Variants in FAM184A observed in about 807,000 individuals in gnomAD.
The protein encoded by FAM184A is family with sequence similarity 184 member A.
In FAM184A, 99 loss-of-function variants were observed where a neutral mutation model predicts 143.8. The observed-to-expected ratio is 0.69, with a 90% CI of 0.58 to 0.81. FAM184A has a LOEUF of 0.81. Among genes scored for constraint, FAM184A ranks in the 40% least tolerant of loss-of-function variants. The pLI is 0.00. For missense variants in FAM184A, 1,217 were observed against 1,310.5 expected (o/e 0.93, Z 1.10); for synonymous variants, 427 against 446.4 (o/e 0.96, Z 0.55).
At chr6:119,100,794 T>TA (rs904121721) in intron 1 of FAM184A, among the ~76,000 whole-genome samples, 9 of 151,630 alleles carry the variant, frequency 5.9e-5, no homozygotes, top group Non-Finnish European at 1.3e-4. Flanking sequence ...TCGTCTCTAC[T>TA]AAAAAAATAC....
intron 1 of FAM184A, among the ~76,000 whole-genome samples, chr6:119,086,522 T>G (rs2114814055): frequency 6.6e-6 from 1 of 152,296 alleles, no homozygotes; most frequent in East Asian, 1.9e-4. Flanking sequence ...TTACAAGCTC[T>G]AAGGACGGTA....
intron 1 of FAM184A, among the ~76,000 whole-genome samples, chr6:119,092,839 A>T (rs922081993): frequency 2.0e-5 from 3 of 152,150 alleles, no homozygotes; most frequent in Non-Finnish European, 2.9e-5. Context: ...ATCCTAGCCT[A>T]CTGCTCACCT....
In FAM184A at chr6:118,975,130, T is replaced by C. The variant is rs749741432; in HGVS notation, c.2662A>G (p.Lys888Glu). The part of the protein sequence containing the change: ...HREHHISELD[K>E]EVQHLHENIS... ...TTCTCATGAAGGTGCTGAACCTCCT[T>C]ATCCAATTCAGAGATGTGATGCTCT... is the stretch of plus-strand genomic sequence containing the variant. Residue 888 changes from lysine to glutamate, a missense_variant, in exon 13 of 18, where the codon AAG becomes GAG. Transcript: ENST00000338891. The C allele has an allele frequency of 3.1e-6, 5 of 1,613,212 alleles. No individual in the cohort carries two copies. Among genetic ancestry groups the C allele is most frequent in the Middle Eastern group, 1.7e-4 (1 of 6,058 alleles).
At position 118,961,777 on chromosome 6, in the gene FAM184A, G is replaced by A; in HGVS notation, c.3325C>T (p.Pro1109Ser). Residue 1109 changes from proline (P) to serine (S), a missense_variant, in exon 17 of 18, where the codon CCC becomes TCC. Physicochemically the swap from Pro to Ser is moderately conservative, Grantham distance 74. Transcript: ENST00000338891. ...PLPQPVPPKG[P>S]KTFLSPAQSE... ...GGGTCTCACCTCAAAAATGTCTTGG[G>A]CCCTTTAGGTGGCACTGGCTGTGGA... 11 of 1,613,708 alleles carry A rather than the reference G, an allele frequency of 6.8e-6. No homozygotes were observed. Among genetic ancestry groups the A allele is most frequent in the Non-Finnish European group, 6.8e-6 (8 of 1,179,734 alleles).
chr6:119,016,726 A>T, intron 5 of FAM184A, 21 bp downstream of exon 5: 1 of 1,582,272 alleles, frequency 6.3e-7, no homozygotes, highest in Non-Finnish European at 8.7e-7. Context: ...CAATGCAATG[A>T]TAAATTAAAT....
chr6:119,038,983 T>C (rs545102071), intron 1 of FAM184A, among the ~76,000 whole-genome samples: 1 of 152,326 alleles, frequency 6.6e-6, no homozygotes, highest in Non-Finnish European at 1.5e-5. Flanking sequence ...GTAATCTGAT[T>C]TTTAAATGGG....
chr6:119,022,479 A>G (rs1785482638), intron 3 of FAM184A, among the ~76,000 whole-genome samples: 2 of 152,328 alleles, frequency 1.3e-5, no homozygotes, highest in Admixed American at 6.5e-5. Context: ...ATATTTGTGT[A>G]TCTTATAAGT....
chr6:119,016,117 C>G (rs1307210944), intron 5 of FAM184A, among the ~76,000 whole-genome samples: 2 of 152,138 alleles, frequency 1.3e-5, no homozygotes, highest in African/African-American at 4.8e-5. Context: ...CTGTAACTAA[C>G]TAATCTGATG....
intron 16 of FAM184A, 192 bp from the exon 17 acceptor site, chr6:118,962,155 CT>C: frequency 1.7e-6 from 1 of 589,850 alleles, no homozygotes; most frequent in East Asian, 2.9e-5. Flanking sequence ...ACATGGAATC[CT>C]CAAAGACAGA....
intron 1 of FAM184A, among the ~76,000 whole-genome samples, chr6:119,095,188 A>AT (rs1339959915): frequency 5.3e-5 from 8 of 152,186 alleles, no homozygotes; most frequent in Non-Finnish European, 1.2e-4. Context: ...TTAATTAAAT[A>AT]TTCCCATCTC....
At chr6:119,136,276 C>T in intron 1 of FAM184A, among the ~76,000 whole-genome samples, 1 of 118,176 alleles carries the variant, frequency 8.5e-6, no homozygotes, top group South Asian at 3.0e-4. Flanking sequence ...CAGAGCGAGA[C>T]TCCGTCTCAA....
At chr6:118,969,722 A>G (rs1282315325) in intron 14 of FAM184A, among the ~76,000 whole-genome samples, 3 of 151,412 alleles carry the variant, frequency 2.0e-5, no homozygotes, top group Non-Finnish European at 4.4e-5. Context: ...TTTGTTACAC[A>G]GGTATACATG....
At chr6:119,077,163 G>C (rs1049876583) in intron 1 of FAM184A, among the ~76,000 whole-genome samples, 5 of 151,796 alleles carry the variant, frequency 3.3e-5, no homozygotes, top group African/African-American at 1.2e-4. Context: ...TCTCTCAAAA[G>C]TGCCAACCAG....
At chr6:119,116,363 G>C (rs1789063006) in intron 1 of FAM184A, among the ~76,000 whole-genome samples, 1 of 152,134 alleles carries the variant, frequency 6.6e-6, no homozygotes, top group Non-Finnish European at 1.5e-5. Context: ...AGATGAGGGA[G>C]GGAGGGGGGC....
intron 1 of FAM184A, among the ~76,000 whole-genome samples, chr6:119,058,485 G>A (rs1787096158): frequency 6.6e-6 from 1 of 152,032 alleles, no homozygotes; most frequent in South Asian, 2.1e-4. Context: ...TTACAGGTGT[G>A]AGCCACCGTG....
At chr6:119,013,909 C>G (rs1295128024) in intron 5 of FAM184A, among the ~76,000 whole-genome samples, 2 of 152,172 alleles carry the variant, frequency 1.3e-5, no homozygotes, top group African/African-American at 2.4e-5. Flanking sequence ...ATAAAAATGA[C>G]TTTAATCTCC....
chr6:118,998,001 C>CT (rs1784624987), intron 9 of FAM184A, among the ~76,000 whole-genome samples: 2 of 152,146 alleles, frequency 1.3e-5, no homozygotes, highest in African/African-American at 2.4e-5. Flanking sequence ...GTTTCTTAGT[C>CT]TAGTCATTGC....
chr6:119,055,916 T>C (rs984608874), intron 1 of FAM184A, among the ~76,000 whole-genome samples: 4 of 151,402 alleles, frequency 2.6e-5, no homozygotes, highest in Non-Finnish European at 5.9e-5. Flanking sequence ...GGCCTGGCCT[T>C]TATTATATCT....
chr6:119,126,040 C>T (rs1477248309), intron 1 of FAM184A, among the ~76,000 whole-genome samples: 3 of 152,214 alleles, frequency 2.0e-5, no homozygotes, highest in African/African-American at 7.2e-5. Context: ...TGTTCAGGGT[C>T]TCACAGGAAT....
Sources: gnomAD v4.1 joint callset for allele counts (sites outside exome capture counted in the v4.1 genomes callset) on GRCh38, gnomAD v4.1.1 for gene constraint, MANE v1.5 for transcripts, NCBI Gene and HGNC (gene_info 2026-07-23, HGNC 2026-07-21) for gene names.